Variants in PEBP4 observed in about 807,000 individuals in gnomAD.
The protein encoded by PEBP4 is phosphatidylethanolamine binding protein 4.
In PEBP4, 22 loss-of-function variants were observed where a neutral mutation model predicts 23.9. That is an observed-to-expected ratio of 0.92 (90% confidence interval 0.66 to 1.31). PEBP4 has a LOEUF of 1.31. Among genes scored for constraint, PEBP4 ranks in the 40% most tolerant of loss-of-function variants. PEBP4 has a pLI of 0.00. For missense variants in PEBP4, 324 were observed against 281.7 expected, an observed-to-expected ratio of 1.15 and a Z score of -1.07; for synonymous variants, 112 against 99.3, an observed-to-expected ratio of 1.13 and a Z score of -0.76.
chr8:22,900,171 A>G (rs1297523111), intron 3 of PEBP4, among the ~76,000 whole-genome samples: 3 of 152,228 alleles, frequency 2.0e-5, no homozygotes, highest in Non-Finnish European at 4.4e-5. Flanking sequence ...TCTAAATGTA[A>G]GGCACAGTAA....
intron 4 of PEBP4, among the ~76,000 whole-genome samples, chr8:22,759,353 C>CT (rs140035968): frequency 0.19 from 28,365 of 145,992 alleles, 2,846 homozygotes; most frequent in Middle Eastern, 0.22. Flanking sequence ...GAAGGACAGC[C>CT]TTTTTTTTTT....
intron 3 of PEBP4, among the ~76,000 whole-genome samples, chr8:22,834,759 T>C (rs1807165105): frequency 6.6e-6 from 1 of 152,202 alleles, no homozygotes; most frequent in Non-Finnish European, 1.5e-5. Context: ...CATTTCCTTC[T>C]TCCTGCCTGG....
At chr8:22,871,662 C>G (rs1369179880) in intron 3 of PEBP4, among the ~76,000 whole-genome samples, 1 of 149,854 alleles carries the variant, frequency 6.7e-6, no homozygotes, top group Non-Finnish European at 1.5e-5. Context: ...TCAAGCTATT[C>G]TCCTGCCTCA....
intron 3 of PEBP4, among the ~76,000 whole-genome samples, chr8:22,909,786 A>T (rs1808897487): frequency 6.6e-6 from 1 of 152,208 alleles, no homozygotes; most frequent in Non-Finnish European, 1.5e-5. Flanking sequence ...CATCTGTGAA[A>T]TGAGGGCACT....
At chr8:22,890,331 G>C (rs1173705894) in intron 3 of PEBP4, among the ~76,000 whole-genome samples, 1 of 152,250 alleles carries the variant, frequency 6.6e-6, no homozygotes, top group Non-Finnish European at 1.5e-5. Context: ...CAAGTGGCCA[G>C]GGAATGCCGA....
intron 6 of PEBP4, among the ~76,000 whole-genome samples, chr8:22,718,865 ATG>A (rs1804464668): frequency 1.3e-5 from 2 of 152,030 alleles, no homozygotes; most frequent in South Asian, 4.1e-4. Flanking sequence ...TCCTGACACC[ATG>A]TGCTGCTGTG....
At chr8:22,754,642 T>C (rs550571713) in intron 4 of PEBP4, among the ~76,000 whole-genome samples, 1 of 152,270 alleles carries the variant, frequency 6.6e-6, no homozygotes, top group Non-Finnish European at 1.5e-5. Context: ...TTCATGGCCA[T>C]TTGTGTGGCC....
chr8:22,761,132 C>T (rs1434805876), intron 4 of PEBP4, among the ~76,000 whole-genome samples: 3 of 152,166 alleles, frequency 2.0e-5, no homozygotes, highest in African/African-American at 7.2e-5. Flanking sequence ...CCTGGAGCCT[C>T]CCCAGCAAGC....
chr8:22,794,014 G>A (rs960162689), intron 4 of PEBP4, among the ~76,000 whole-genome samples: 1 of 152,100 alleles, frequency 6.6e-6, no homozygotes, highest in East Asian at 1.9e-4. Context: ...GGCCACAGTT[G>A]GGGAGGGGTA....
chr8:22,937,744 C>A (rs758776010), intron 1 of PEBP4, among the ~76,000 whole-genome samples: 1 of 151,886 alleles, frequency 6.6e-6, no homozygotes, highest in Non-Finnish European at 1.5e-5. Flanking sequence ...AATAGGCCAA[C>A]GGAATAGACT....
At chr8:22,797,706 G>A (rs576219989) in intron 4 of PEBP4, among the ~76,000 whole-genome samples, 3 of 152,288 alleles carry the variant, frequency 2.0e-5, no homozygotes, top group African/African-American at 7.2e-5. Context: ...GGAACCGGGG[G>A]AAGAGAGTCT....
chr8:22,721,980 G>A (rs1210254193), intron 6 of PEBP4, among the ~76,000 whole-genome samples: 7 of 152,022 alleles, frequency 4.6e-5, no homozygotes, highest in Non-Finnish European at 7.4e-5. Context: ...CTCATGTCTC[G>A]ACCCCTCTGG....
At chr8:22,828,796 G>C (rs1378167472) in intron 3 of PEBP4, among the ~76,000 whole-genome samples, 1 of 152,108 alleles carries the variant, frequency 6.6e-6, no homozygotes, top group East Asian at 1.9e-4. Flanking sequence ...CAAACATGTG[G>C]AACAGCCACC....
chr8:22,730,219 C>A (rs1477519062), intron 4 of PEBP4, among the ~76,000 whole-genome samples: 1 of 152,184 alleles, frequency 6.6e-6, no homozygotes, highest in Non-Finnish European at 1.5e-5. Context: ...GGGGCCCTCC[C>A]ACCCGATTTT....
intron 4 of PEBP4, among the ~76,000 whole-genome samples, chr8:22,802,147 C>T (rs1364934716): frequency 2.0e-5 from 3 of 152,152 alleles, no homozygotes; most frequent in South Asian, 2.1e-4. Flanking sequence ...CGTCTCTCTG[C>T]GAAGCAACAG....
chr8:22,803,916 T>C (rs1806441126), intron 4 of PEBP4, among the ~76,000 whole-genome samples: 1 of 152,184 alleles, frequency 6.6e-6, no homozygotes. Context: ...GGCTGCTCTC[T>C]CCATGGCCAC....
At chr8:22,778,860 A>C (rs984336394) in intron 4 of PEBP4, among the ~76,000 whole-genome samples, 51 of 152,220 alleles carry the variant, frequency 3.4e-4, no homozygotes, top group African/African-American at 1.2e-3. Flanking sequence ...GTCTTCAGCC[A>C]GTTTTAGTGC....
At chr8:22,924,562 G>A in intron 2 of PEBP4, 1 of 669,144 alleles carries the variant, frequency 1.5e-6, no homozygotes, top group South Asian at 6.6e-5. Flanking sequence ...ACTACAACAG[G>A]TAGGGTTGGT....
intron 3 of PEBP4, among the ~76,000 whole-genome samples, chr8:22,862,852 G>C (rs559721913): frequency 6.8e-6 from 1 of 147,104 alleles, no homozygotes; most frequent in Admixed American, 6.9e-5. Flanking sequence ...CCAGGCTGGA[G>C]TGCAGTGGTG....
Sources: gnomAD v4.1 joint callset for allele counts (sites outside exome capture counted in the v4.1 genomes callset) on GRCh38, gnomAD v4.1.1 for gene constraint, MANE v1.5 for transcripts, NCBI Gene and HGNC (gene_info 2026-07-23, HGNC 2026-07-21) for gene names.